The following ADCY7 variants were observed in gnomAD, a reference collection of about 807,000 sequenced individuals.
The protein encoded by ADCY7 is adenylate cyclase 7, also known as adenylate cyclase type 7.
A neutral mutation model predicts 120.6 loss-of-function variants in ADCY7; 72 were observed. The observed-to-expected ratio is 0.60, with a 90% confidence interval of 0.49 to 0.73. ADCY7 has a LOEUF of 0.73. ADCY7 is among the 30% of genes least tolerant of loss of function. The probability of loss-of-function intolerance (pLI) is 0.00; values close to 1 mark genes in which losing one functional copy is unlikely to be tolerated. For synonymous variants in ADCY7, 661 were observed against 628.0 expected (o/e 1.05, Z -0.78); for missense variants, 1,227 against 1,486.0 (o/e 0.83, Z 2.87).
rs758789955 is a variant in ADCY7 at position 50,310,729 on chromosome 16, G to C, written c.2203G>C (p.Val735Leu). The C allele has an allele frequency of 6.2e-7, 1 of 1,614,114 alleles. No individual in the cohort carries two copies. The highest frequency in any genetic ancestry group is 8.5e-7 in the Non-Finnish European group (1 of 1,179,992). ...TGTCCTGGGCTTCATCGCCTGCTCG[G>C]TCTTCCTGAGGATGAGCCTGGAGCC... is the stretch of plus-strand genomic sequence containing the variant. ...SCVLGFIACS[V>L]FLRMSLEPKV... The change falls in exon 19 of 26, where the codon GTC (valine) becomes CTC (leucine). Residue 735 changes from valine (V) to leucine (L), a missense_variant. Physicochemically the swap from Val to Leu is conservative, Grantham distance 32 (BLOSUM62 1). Transcript: ENST00000673801.
At chr16:50,248,770 G>A (rs1270655649) in intron 1 of ADCY7, among the ~76,000 whole-genome samples, 1 of 152,196 alleles carries the variant, frequency 6.6e-6, no homozygotes, top group Non-Finnish European at 1.5e-5. Flanking sequence ...AGGTCTGGAG[G>A]CTGATGCCAG....
chr16:50,269,351 A>G (rs2033414052), intron 1 of ADCY7, among the ~76,000 whole-genome samples: 1 of 152,204 alleles, frequency 6.6e-6, no homozygotes, highest in African/African-American at 2.4e-5. Context: ...GATGGGGCAA[A>G]GCTGAGAACA....
rs200325663 is a variant in ADCY7 at position 50,304,341 on chromosome 16, T to G, written c.1369-19T>G. ...GAGGGGAGGAGGTGGCACAGGCCCA[T>G]GTCCATGTCTGCCCGCAGAGCCAGC... On this transcript the variant is annotated intron_variant, in intron 10 of 25. Coordinates refer to ENST00000673801, the MANE Select transcript of ADCY7 (RefSeq NM_001114.5). The G allele has an allele frequency of 6.8e-7, 1 of 1,472,338 alleles. No individual in the cohort carries two copies. The highest frequency in any genetic ancestry group is 1.4e-5 in the African/African-American group (1 of 70,684). The allele number at this position is 1,472,338 out of a possible 1,614,324, so 91.2% of individuals were successfully genotyped here. A position where few individuals can be genotyped will look rare whatever the true frequency, so the allele number is the denominator to read the frequency against.
intron 17 of ADCY7, 86 bp from the exon 18 acceptor site, chr16:50,309,462 A>ATGGT (rs1354563585): frequency 2.8e-5 from 31 of 1,108,914 alleles, no homozygotes; most frequent in Non-Finnish European, 3.8e-5. Context: ...TGTGATACTC[A>ATGGT]TGGTTGCCTG....
At chr16:50,302,905 T>C (rs1376484235) in intron 10 of ADCY7, among the ~76,000 whole-genome samples, 1 of 152,248 alleles carries the variant, frequency 6.6e-6, no homozygotes, top group African/African-American at 2.4e-5. Flanking sequence ...CTGGCTTCTA[T>C]GGGCTCTGCC....
At chr16:50,261,896 G>C (rs1189987242), upstream of ADCY7, among the ~76,000 whole-genome samples, 6 of 152,202 alleles carry the variant, frequency 3.9e-5, no homozygotes, top group Admixed American at 1.3e-4. Flanking sequence ...CCGACCTTAG[G>C]GGAAGGAAGA....
At position 50,317,365 on chromosome 16, in the gene ADCY7, A is replaced by G. The variant is rs1219507310; in HGVS notation, c.*1860A>G. The stretch of plus-strand genomic sequence containing the variant: ...CTATACTGAAATCTGTGCTCTCAAG[A>G]TCTAGCAGTGACCAGGGCTGCCCGG... On this transcript the variant is annotated 3_prime_UTR_variant, in exon 26 of 26. Transcript: ENST00000673801. 1 of 152,344 alleles carries G rather than the reference A, an allele frequency of 6.6e-6. No homozygotes were observed. Among genetic ancestry groups the G allele is most frequent in the Non-Finnish European group, 1.5e-5 (1 of 68,036 alleles). 9.4% of individuals were successfully genotyped at this position (152,344 alleles called of 1,614,324 possible). A position where few individuals can be genotyped will look rare whatever the true frequency, so the allele number is the denominator to read the frequency against.
At chr16:50,314,777 A>G (rs1017453847) in intron 24 of ADCY7, 3 of 525,026 alleles carry the variant, frequency 5.7e-6, no homozygotes, top group African/African-American at 3.8e-5. Context: ...AGATTAGCAG[A>G]TACAAGTGTT....
intron 17 of ADCY7, 103 bp downstream of exon 17, chr16:50,308,895 C>T (rs2036262060): frequency 2.8e-6 from 4 of 1,409,962 alleles, no homozygotes; most frequent in Middle Eastern, 2.0e-4. Flanking sequence ...TTGTCCTCTC[C>T]CCCGAGCTCA....
At position 50,317,946 on chromosome 16, in the gene ADCY7, C is replaced by CTT. The variant is rs1163668552; in HGVS notation, c.*2443_*2444dup. The CTT allele has an allele frequency of 6.6e-6, 1 of 152,220 alleles. No homozygotes were observed. Among genetic ancestry groups the CTT allele is most frequent in the African/African-American group, 2.4e-5 (1 of 41,418 alleles). 9.4% of individuals were successfully genotyped at this position (152,220 alleles called of 1,614,324 possible). A position where few individuals can be genotyped will look rare whatever the true frequency, so the allele number is the denominator to read the frequency against. ...AGAGAAGATCATTAACCACTGTATA[C>CTT]TTTGTGTATATAATAGGTCAGTGTA... On this transcript the variant is annotated 3_prime_UTR_variant, in exon 26 of 26. Transcript: ENST00000673801.
At chr16:50,275,402 C>T (rs947635964) in intron 1 of ADCY7, among the ~76,000 whole-genome samples, 4 of 152,168 alleles carry the variant, frequency 2.6e-5, no homozygotes, top group Non-Finnish European at 4.4e-5. Flanking sequence ...CACAGCTACC[C>T]AGGGAGCCTT....
chr16:50,297,730 C>T lies in ADCY7; in HGVS notation c.949-1174C>T, dbSNP rs929152128. On this transcript the variant is annotated intron_variant, in intron 7 of 25. Transcript: ENST00000673801. The surrounding 1 kb of genome is among the most constrained non-coding windows in gnomAD (Gnocchi z 4.4). ...AGTAGGGACGAGGACAGGATAGGCT[C>T]GAGTCCTGGAGACAGATGGTGTTCC... 2.0e-5 allele frequency among the ~76,000 whole-genome samples: 3 copies of T among 152,086 alleles called. No homozygotes were observed. Among genetic ancestry groups the T allele is most frequent in the East Asian group, 3.9e-4 (2 of 5,186 alleles).
intron 9 of ADCY7, 27 bp downstream of exon 9, chr16:50,300,900 G>C: frequency 6.4e-7 from 1 of 1,551,898 alleles, no homozygotes; most frequent in Non-Finnish European, 8.7e-7. Flanking sequence ...TAGCCGCAGG[G>C]ACAGAGGCCT....
At chr16:50,314,666 T>A in intron 24 of ADCY7, 1 of 481,056 alleles carries the variant, frequency 2.1e-6, no homozygotes, top group South Asian at 3.3e-5. Context: ...CCTTAAAATA[T>A]AGAGAAGGAA....
intron 19 of ADCY7, 112 bp downstream of exon 19, chr16:50,310,992 C>A (rs1376830123): frequency 4.3e-5 from 49 of 1,132,938 alleles, no homozygotes; most frequent in Non-Finnish European, 5.4e-5. Context: ...CCTTGCAGGG[C>A]GGGGCTGGCA....
At chr16:50,280,390 A>T (rs2034184446) in intron 1 of ADCY7, among the ~76,000 whole-genome samples, 2 of 147,254 alleles carry the variant, frequency 1.4e-5, no homozygotes, top group African/African-American at 5.0e-5. Flanking sequence ...AAAAAAAAAC[A>T]ACTCCTGGAT....
At chr16:50,312,726 C>T (rs766761164) in intron 21 of ADCY7, among the ~76,000 whole-genome samples, 164 bp from the exon 22 acceptor site, 1 of 152,176 alleles carries the variant, frequency 6.6e-6, no homozygotes, top group Non-Finnish European at 1.5e-5. Flanking sequence ...TTCTTAATCA[C>T]CCGGTAACAG....
upstream of ADCY7, among the ~76,000 whole-genome samples, chr16:50,263,800 C>T (rs577251544): frequency 4.6e-5 from 7 of 151,962 alleles, no homozygotes; most frequent in African/African-American, 7.3e-5. Context: ...CCTTGGCCCC[C>T]GATATCTCCC....
Position 50,305,785 on chromosome 16 carries a change from G to C in ADCY7, c.1688G>C (p.Cys563Ser). The C allele has an allele frequency of 6.2e-7, 1 of 1,613,990 alleles. No individual in the cohort carries two copies. Among genetic ancestry groups the C allele is most frequent in the Non-Finnish European group, 8.5e-7 (1 of 1,179,982 alleles). The change falls in exon 14 of 26, where the codon TGC becomes TCC. Residue 563 changes from cysteine (C) to serine (S), a missense_variant. Transcript: ENST00000673801. Reference protein sequence around the residue: ...IEGLSSTRPCCSKSDDFYTFG... With the variant: ...IEGLSSTRPCSSKSDDFYTFG... ...GCTGCCCCCGCCCACAGGCCCTGCT[G>C]CTCCAAGTCCGATGACTTCTACACC...
Sources: gnomAD v4.1 joint callset for allele counts (sites outside exome capture counted in the v4.1 genomes callset) on GRCh38, gnomAD v4.1.1 for gene constraint, Gnocchi (gnomAD v3.1) non-coding constraint, MANE v1.5 for transcripts, NCBI Gene and HGNC (gene_info 2026-07-23, HGNC 2026-07-21) for gene names.